The following KDM4C variants were observed in gnomAD, a reference collection of about 807,000 sequenced individuals.
KDM4C encodes the protein lysine-specific demethylase 4C.
A neutral mutation model predicts 129.3 loss-of-function variants in KDM4C; 81 were observed. The observed-to-expected ratio is 0.63, with a 90% CI of 0.52 to 0.75. The LOEUF is 0.75. Ranked by LOEUF, KDM4C falls within the 30% of genes least tolerant of loss-of-function variation. KDM4C has a pLI of 0.00. For missense variants in KDM4C, 1,457 were observed against 1,304.0 expected, an observed-to-expected ratio of 1.12 and a Z score of -1.81; for synonymous variants, 573 against 456.1, an observed-to-expected ratio of 1.26 and a Z score of -3.26.
intron 18 of KDM4C, among the ~76,000 whole-genome samples, chr9:7,108,045 A>G (rs1837896584): frequency 6.6e-6 from 1 of 152,182 alleles, no homozygotes; most frequent in Non-Finnish European, 1.5e-5. Context: ...TATGCACCTT[A>G]TTCAGAGCAG....
intron 8 of KDM4C, among the ~76,000 whole-genome samples, chr9:6,928,465 T>A (rs1012556916): frequency 7.2e-5 from 11 of 152,252 alleles, no homozygotes; most frequent in African/African-American, 2.7e-4. Context: ...GGTTAGACCC[T>A]TTGTCATTCC....
In KDM4C at chr9:6,787,484, A is replaced by T. The variant is rs532425537; in HGVS notation, c.-17-5488A>T. Among the ~76,000 whole-genome samples, 7 of 152,322 alleles carry T rather than the reference A, an allele frequency of 4.6e-5. No individual in the cohort carries two copies. The South Asian group carries it at 1.0e-3, about 23-fold the overall frequency. On this transcript the variant is annotated intron_variant, in intron 1 of 21. Transcript: ENST00000381309. ...CTGACCTCAGGTCATCTGCCTGCCT[A>T]GGCCTCCCAAGGTGCTGGGATTACA...
In KDM4C at chr9:7,161,220, C is replaced by G. The variant is rs554776680; in HGVS notation, c.2782-4018C>G. Reference sequence around the variant, plus strand: ...ATTGGGGCAGGCGTGTCCCATTTTTCCAAGTACAGTCTGTCAAGGCTTCCC... The same window carrying G: ...ATTGGGGCAGGCGTGTCCCATTTTTGCAAGTACAGTCTGTCAAGGCTTCCC... On this transcript the variant is annotated intron_variant, in intron 19 of 21. Transcript: ENST00000381309. Among the ~76,000 whole-genome samples the G allele has an allele frequency of 1.4e-4, 22 of 152,256 alleles. 1 individual carries two copies. In the East Asian group the frequency reaches 2.3e-3, roughly 16 times the overall value.
intron 12 of KDM4C, among the ~76,000 whole-genome samples, chr9:7,006,655 T>C (rs1821728152): frequency 6.6e-6 from 1 of 152,122 alleles, no homozygotes; most frequent in South Asian, 2.1e-4. Context: ...AGTTTCTTAA[T>C]ACCCAGCTGG....
At chr9:6,975,867 G>A (rs906185818) in intron 8 of KDM4C, among the ~76,000 whole-genome samples, 4 of 152,090 alleles carry the variant, frequency 2.6e-5, no homozygotes, top group East Asian at 1.9e-4. Flanking sequence ...GCAAAACCCC[G>A]TCTCTACTAA....
chr9:6,994,580 C>T (rs1332923090), intron 12 of KDM4C, among the ~76,000 whole-genome samples: 1 of 152,154 alleles, frequency 6.6e-6, no homozygotes, highest in East Asian at 1.9e-4. Flanking sequence ...GTGAACATTT[C>T]CCTGCAATCA....
At chr9:7,071,404 C>G (rs114020231) in intron 17 of KDM4C, among the ~76,000 whole-genome samples, 2,373 of 152,156 alleles carry the variant, frequency 0.016, 41 homozygotes, top group African/African-American at 0.055. Flanking sequence ...TATTATAAAG[C>G]TACAATTAGC....
chr9:6,832,747 G>T (rs1202769684), intron 4 of KDM4C, among the ~76,000 whole-genome samples: 1 of 126,444 alleles, frequency 7.9e-6, no homozygotes, highest in Non-Finnish European at 1.6e-5. Flanking sequence ...TTTTTACGGA[G>T]ATGGAGTTTT....
intron 2 of KDM4C, among the ~76,000 whole-genome samples, chr9:6,803,163 C>G (rs539158295): frequency 6.6e-6 from 1 of 152,128 alleles, no homozygotes; most frequent in Non-Finnish European, 1.5e-5. Flanking sequence ...AATATCTTGC[C>G]TCTTACACCT....
chr9:6,995,869 C>T (rs1488375624), intron 12 of KDM4C, among the ~76,000 whole-genome samples: 1 of 148,002 alleles, frequency 6.8e-6, no homozygotes, highest in East Asian at 2.0e-4. Context: ...GATGGGGTTT[C>T]ACTGTGTTAG....
At chr9:6,894,844 T>G (rs1194452771) in intron 8 of KDM4C, among the ~76,000 whole-genome samples, 3 of 152,230 alleles carry the variant, frequency 2.0e-5, no homozygotes, top group Non-Finnish European at 4.4e-5. Flanking sequence ...CAACCAAGTT[T>G]TCTTCTCTGG....
At chr9:7,155,988 G>C (rs931705481) in intron 19 of KDM4C, among the ~76,000 whole-genome samples, 1 of 152,164 alleles carries the variant, frequency 6.6e-6, no homozygotes, top group African/African-American at 2.4e-5. Context: ...GTGTAAAAGC[G>C]TTCCTATTTC....
chr9:7,152,237 C>T (rs10758837), intron 19 of KDM4C, among the ~76,000 whole-genome samples: 49,687 of 152,056 alleles, frequency 0.33, 9,757 homozygotes, highest in African/African-American at 0.55. Context: ...TTTATGATAA[C>T]AAATATACAA....
At chr9:6,804,879 T>G (rs1410997654) in intron 2 of KDM4C, among the ~76,000 whole-genome samples, 1 of 152,202 alleles carries the variant, frequency 6.6e-6, no homozygotes, top group Non-Finnish European at 1.5e-5. Context: ...GGGAAGAAAT[T>G]ATTTATGTAA....
intron 17 of KDM4C, among the ~76,000 whole-genome samples, chr9:7,094,652 T>A (rs1025169304): frequency 3.3e-5 from 5 of 152,198 alleles, no homozygotes; most frequent in Non-Finnish European, 7.4e-5. Context: ...AGTTAACTCT[T>A]CTCACAGCTG....
intron 1 of KDM4C, among the ~76,000 whole-genome samples, chr9:6,769,622 T>G (rs775180468): frequency 4.4e-5 from 5 of 112,572 alleles, no homozygotes; most frequent in Non-Finnish European, 7.7e-5. Context: ...ATGCAAGACT[T>G]TTTTTTATAA....
At chr9:6,839,868 A>T (rs1836593309) in intron 4 of KDM4C, among the ~76,000 whole-genome samples, 1 of 152,074 alleles carries the variant, frequency 6.6e-6, no homozygotes, top group South Asian at 2.1e-4. Flanking sequence ...GCGTCACTGC[A>T]CTGCAGCCTG....
intron 7 of KDM4C, among the ~76,000 whole-genome samples, chr9:6,891,330 A>G (rs551663181): frequency 6.7e-4 from 102 of 152,360 alleles, no homozygotes; most frequent in Non-Finnish European, 1.3e-3. Context: ...TCAGCCATAA[A>G]AGGAAGTGAA....
intron 18 of KDM4C, among the ~76,000 whole-genome samples, chr9:7,126,910 G>C (rs1377906489): frequency 6.6e-6 from 1 of 152,114 alleles, no homozygotes; most frequent in African/African-American, 2.4e-5. Flanking sequence ...GTACGAAGGG[G>C]CTCTTATTGG....
Sources: allele counts gnomAD v4.1 joint callset (sites outside exome capture counted in the v4.1 genomes callset), GRCh38; gene constraint gnomAD v4.1.1; transcripts MANE v1.5; gene names NCBI Gene and HGNC (gene_info 2026-07-23, HGNC 2026-07-21).